The following CADM2 variants were observed in gnomAD, a reference collection of about 807,000 sequenced individuals.
The protein encoded by CADM2 is cell adhesion molecule 2, also known as immunoglobulin superfamily member 4D.
Under a neutral mutation model 49.8 loss-of-function variants are expected in CADM2, and 12 were observed. That is an observed-to-expected ratio of 0.24 (90% confidence interval 0.15 to 0.39). CADM2 has a LOEUF of 0.39. CADM2 is among the 10% of genes least tolerant of loss of function. The pLI is 1.00. For synonymous variants in CADM2, 214 were observed against 175.4 expected (o/e 1.22, Z -1.74); for missense variants, 378 against 492.3 (o/e 0.77, Z 2.20).
chr3:85,333,469 G>A (rs969802144), intron 1 of CADM2, among the ~76,000 whole-genome samples: 5 of 151,702 alleles, frequency 3.3e-5, no homozygotes, highest in Non-Finnish European at 7.4e-5. Flanking sequence ...ATTCACTTCT[G>A]TGCATGCAAA....
At chr3:85,825,256 G>A (rs1049870253) in intron 3 of CADM2, among the ~76,000 whole-genome samples, 29 of 152,056 alleles carry the variant, frequency 1.9e-4, no homozygotes, top group Admixed American at 1.6e-3. Flanking sequence ...AGTTTAGAGG[G>A]CTTAATGAAG....
chr3:85,842,667 C>G (rs1400647317), intron 3 of CADM2, among the ~76,000 whole-genome samples: 3 of 152,096 alleles, frequency 2.0e-5, no homozygotes, highest in African/African-American at 7.2e-5. Flanking sequence ...CTCTGCAGAT[C>G]TCATCTAGGA....
chr3:84,960,124 A>C, intron 1 of CADM2: 1 of 180,870 alleles, frequency 5.5e-6, no homozygotes, highest in Non-Finnish European at 1.2e-5. Context: ...CCCTCTTCCC[A>C]CCATCATCAT....
intron 1 of CADM2, among the ~76,000 whole-genome samples, chr3:84,992,114 A>T (rs1242381557): frequency 6.6e-6 from 1 of 152,164 alleles, no homozygotes; most frequent in African/African-American, 2.4e-5. Context: ...AGCAAGTACA[A>T]CACCAAGAGT....
chr3:86,065,580 A>G, intron 8 of CADM2, 25 bp from the exon 9 acceptor site: 1 of 1,601,870 alleles, frequency 6.2e-7, no homozygotes, highest in Non-Finnish European at 8.5e-7. Context: ...CATTAAATAG[A>G]ACAATATTTT....
chr3:84,999,365 C>T (rs763942541), intron 1 of CADM2, among the ~76,000 whole-genome samples: 9 of 152,014 alleles, frequency 5.9e-5, no homozygotes, highest in Non-Finnish European at 8.8e-5. Context: ...TAATATATAT[C>T]GTTGAATCAT....
intron 8 of CADM2, among the ~76,000 whole-genome samples, chr3:86,024,781 A>C (rs997533889): frequency 6.6e-6 from 1 of 152,144 alleles, no homozygotes; most frequent in African/African-American, 2.4e-5. Context: ...AATAAAAATG[A>C]AGGATGCTCT....
intron 1 of CADM2, among the ~76,000 whole-genome samples, chr3:85,497,100 C>T (rs2039938357): frequency 6.6e-6 from 1 of 152,246 alleles, no homozygotes. Context: ...CTGTTTTGGC[C>T]TCCGAAGTGC....
At chr3:85,921,754 ATCTCTCTC>A (rs147793987) in intron 6 of CADM2, among the ~76,000 whole-genome samples, 12 of 148,018 alleles carry the variant, frequency 8.1e-5, no homozygotes, top group African/African-American at 2.5e-4. Flanking sequence ...ATCTACTGTT[ATCTCTCTC>A]TCTCTCTCTC....
intron 2 of CADM2, among the ~76,000 whole-genome samples, chr3:85,762,719 A>G (rs554519545): frequency 1.6e-4 from 24 of 151,676 alleles, no homozygotes; most frequent in African/African-American, 5.8e-4. Flanking sequence ...TATACTATAT[A>G]CACACATACA....
intron 1 of CADM2, among the ~76,000 whole-genome samples, chr3:84,982,000 A>C (rs1039512438): frequency 6.6e-6 from 1 of 152,196 alleles, no homozygotes; most frequent in Admixed American, 6.5e-5. Flanking sequence ...CACAGAAAAC[A>C]ACTTTTAAAC....
intron 1 of CADM2, among the ~76,000 whole-genome samples, chr3:85,491,068 C>T (rs945422269): frequency 6.6e-6 from 1 of 152,178 alleles, no homozygotes. Flanking sequence ...AAAGCACTTT[C>T]TCCAGACCTT....
intron 1 of CADM2, among the ~76,000 whole-genome samples, chr3:85,071,060 T>C (rs1053486999): frequency 6.6e-5 from 10 of 151,644 alleles, no homozygotes; most frequent in Admixed American, 6.6e-4. Flanking sequence ...TTATGTCTTG[T>C]ATAGTGACTA....
Position 85,237,714 on chromosome 3 carries a change from T to C in CADM2, c.61+278046T>C, listed in dbSNP as rs374580671. ...TCTAAAGATTGTGCTTCTTAAAATATAAAGTTGTCTTCAAGTATCAAGGCA... is the reference window on the plus strand; with the variant it reads ...TCTAAAGATTGTGCTTCTTAAAATACAAAGTTGTCTTCAAGTATCAAGGCA... On this transcript the variant is annotated intron_variant, in intron 1 of 9. Transcript: ENST00000383699. 1.7e-4 allele frequency among the ~76,000 whole-genome samples: 26 copies of C among 151,912 alleles called. No homozygotes were observed. In the South Asian group the frequency reaches 5.2e-3, roughly 30 times the overall value.
intron 2 of CADM2, among the ~76,000 whole-genome samples, chr3:85,735,361 C>T (rs532436694): frequency 6.6e-6 from 1 of 151,944 alleles, no homozygotes; most frequent in Non-Finnish European, 1.5e-5. Flanking sequence ...AGAAAGTGGC[C>T]TAACTTATTT....
intron 3 of CADM2, among the ~76,000 whole-genome samples, chr3:85,847,600 T>C (rs1410932680): frequency 2.0e-5 from 3 of 152,176 alleles, no homozygotes; most frequent in Non-Finnish European, 1.5e-5. Context: ...CATTTCTATT[T>C]TAATGAGCTA....
intron 1 of CADM2, among the ~76,000 whole-genome samples, chr3:85,170,037 A>G (rs1228043194): frequency 1.3e-5 from 2 of 152,118 alleles, no homozygotes; most frequent in Non-Finnish European, 2.9e-5. Context: ...GTCACAAACT[A>G]AAGAACCCTC....
intron 3 of CADM2, among the ~76,000 whole-genome samples, chr3:85,856,491 A>G (rs905597548): frequency 2.0e-5 from 3 of 152,140 alleles, no homozygotes; most frequent in Non-Finnish European, 4.4e-5. Context: ...ATCTCAAACT[A>G]TATGCTACCC....
intron 1 of CADM2, among the ~76,000 whole-genome samples, chr3:85,168,393 C>A (rs1350563998): frequency 3.3e-5 from 5 of 152,124 alleles, no homozygotes; most frequent in Non-Finnish European, 5.9e-5. Flanking sequence ...TTTGTGAAAA[C>A]ATAATGTACA....
Sources: gnomAD v4.1 joint callset for allele counts (sites outside exome capture counted in the v4.1 genomes callset) on GRCh38, gnomAD v4.1.1 for gene constraint, MANE v1.5 for transcripts, NCBI Gene and HGNC (gene_info 2026-07-23, HGNC 2026-07-21) for gene names.